The following TMC1 variants were observed in gnomAD, a reference collection of about 807,000 sequenced individuals.
TMC1 encodes transmembrane channel-like protein 1.
A neutral mutation model predicts 105.8 loss-of-function variants in TMC1; 84 were observed. That is an observed-to-expected ratio of 0.79 (90% confidence interval 0.67 to 0.95). The LOEUF (loss-of-function observed/expected upper bound fraction) is 0.95, where lower values mean the gene tolerates loss of function less well. TMC1 is among the 40% of genes least tolerant of loss of function. TMC1 has a pLI of 0.00. For missense variants in TMC1, 817 were observed against 914.1 expected (o/e 0.89, Z 1.37); for synonymous variants, 315 against 311.5 (o/e 1.01, Z -0.12).
At chr9:72,790,867 T>C (rs948869381) in intron 15 of TMC1, among the ~76,000 whole-genome samples, 8 of 152,192 alleles carry the variant, frequency 5.3e-5, no homozygotes, top group East Asian at 3.9e-4. Flanking sequence ...GTCATACTTA[T>C]ATAATGTTTT....
At chr9:72,781,152 A>C (rs1379904865) in intron 13 of TMC1, among the ~76,000 whole-genome samples, 3 of 152,212 alleles carry the variant, frequency 2.0e-5, no homozygotes, top group African/African-American at 7.2e-5. Context: ...ATAGAAATCA[A>C]TACCAAGAGG....
intron 17 of TMC1, among the ~76,000 whole-genome samples, chr9:72,792,727 A>G (rs1445960315): frequency 1.3e-5 from 2 of 152,150 alleles, no homozygotes; most frequent in Non-Finnish European, 2.9e-5. Flanking sequence ...ACAAAACAAA[A>G]CAAACAAACA....
intron 5 of TMC1, among the ~76,000 whole-genome samples, chr9:72,676,097 A>AGCAAGTTT (rs1482958028): frequency 2.0e-5 from 3 of 152,218 alleles, no homozygotes; most frequent in Admixed American, 1.3e-4. Context: ...AAGGCAGCAC[A>AGCAAGTTT]GCAAGTTTGA....
chr9:72,589,849 G>C (rs1308939940), intron 2 of TMC1, among the ~76,000 whole-genome samples: 1 of 152,196 alleles, frequency 6.6e-6, no homozygotes, highest in Non-Finnish European at 1.5e-5. Context: ...GAGAATCAGA[G>C]ACAAAGTGAC....
At chr9:72,766,330 T>C (rs946585965) in intron 12 of TMC1, among the ~76,000 whole-genome samples, 1 of 148,880 alleles carries the variant, frequency 6.7e-6, no homozygotes, top group Admixed American at 6.8e-5. Context: ...GTCAGAAGAA[T>C]GGCATGAACC....
In TMC1 at chr9:72,700,739, TATATACACACACACACACAC is replaced by T. The variant is rs1185409482; in HGVS notation, c.362+100_362+119del. On this transcript the variant is annotated intron_variant, in intron 8 of 23. Transcript: ENST00000297784. The stretch of plus-strand genomic sequence containing the variant: ...ATATATATATATATATATATATATA[TATATACACACACACACACAC>T]ATACACACACACACACACACATACA... 3 of 161,684 alleles carry T rather than the reference TATATACACACACACACACAC, an allele frequency of 1.9e-5. No homozygotes were observed. In the East Asian group the frequency reaches 9.0e-4, roughly 49 times the overall value. 10.0% of individuals were successfully genotyped at this position (161,684 alleles called of 1,614,324 possible).
chr9:72,555,621 A>G (rs1462471062), intron 1 of TMC1, among the ~76,000 whole-genome samples: 3 of 151,068 alleles, frequency 2.0e-5, no homozygotes, highest in Non-Finnish European at 4.4e-5. Flanking sequence ...TTGCCTCTGG[A>G]CTTAACTCTT....
chr9:72,661,503 A>C (rs1490095628), intron 5 of TMC1, among the ~76,000 whole-genome samples: 1 of 152,156 alleles, frequency 6.6e-6, no homozygotes, highest in Non-Finnish European at 1.5e-5. Flanking sequence ...CTCATTCTTC[A>C]AGCCTCACTT....
intron 2 of TMC1, among the ~76,000 whole-genome samples, chr9:72,585,190 G>A (rs1324579692): frequency 2.9e-4 from 42 of 145,008 alleles, no homozygotes; most frequent in African/African-American, 9.8e-4. Flanking sequence ...TTGCTCTGTC[G>A]CCCAGGCTGG....
rs140516498 is a variant in TMC1 at position 72,542,924 on chromosome 9, C to T, written c.-428+21011C>T. Among the ~76,000 whole-genome samples, 308 of 152,228 alleles carry T rather than the reference C, an allele frequency of 2.0e-3. 5 individuals carry two copies. Among genetic ancestry groups the T allele is most frequent in the African/African-American group, 7.1e-3 (297 of 41,552 alleles). ...TCGAACTCCTGACCTCATGATCCAC[C>T]CACCTTGGCCTCCCAAAGTGCTGGG... is the stretch of plus-strand genomic sequence containing the variant. On this transcript the variant is annotated intron_variant, in intron 1 of 23. Transcript: ENST00000297784.
chr9:72,694,789 T>C, intron 7 of TMC1, 75 bp downstream of exon 7: 1 of 1,458,978 alleles, frequency 6.9e-7, no homozygotes, highest in Non-Finnish European at 9.4e-7. Context: ...TCTTTGACCT[T>C]AAAATTGGTA....
intron 8 of TMC1, among the ~76,000 whole-genome samples, chr9:72,729,911 A>G (rs1289700845): frequency 1.3e-5 from 2 of 152,240 alleles, no homozygotes; most frequent in South Asian, 4.1e-4. Context: ...GTGTTATTAG[A>G]CAAACAGGGA....
intron 13 of TMC1, among the ~76,000 whole-genome samples, chr9:72,781,132 T>A (rs945123968): frequency 6.6e-6 from 1 of 152,110 alleles, no homozygotes; most frequent in Non-Finnish European, 1.5e-5. Flanking sequence ...TGGATCACAG[T>A]GCAATAAAAA....
At chr9:72,786,359 G>A (rs1292745913) in intron 13 of TMC1, among the ~76,000 whole-genome samples, 2 of 152,146 alleles carry the variant, frequency 1.3e-5, no homozygotes, top group African/African-American at 4.8e-5. Flanking sequence ...CAGGAGAATG[G>A]CGTGATCCCG....
At chr9:72,631,049 G>A (rs1017548460) in intron 4 of TMC1, among the ~76,000 whole-genome samples, 3 of 151,998 alleles carry the variant, frequency 2.0e-5, no homozygotes, top group South Asian at 2.1e-4. Context: ...TGTATTTTTG[G>A]TAGAGACAGG....
intron 5 of TMC1, among the ~76,000 whole-genome samples, chr9:72,673,728 T>C (rs1826160035): frequency 6.6e-6 from 1 of 152,198 alleles, no homozygotes; most frequent in Non-Finnish European, 1.5e-5. Flanking sequence ...CAGGAAGAAA[T>C]TGATAATCTT....
intron 5 of TMC1, among the ~76,000 whole-genome samples, chr9:72,688,140 A>G (rs1433398416): frequency 6.6e-6 from 1 of 152,158 alleles, no homozygotes; most frequent in Non-Finnish European, 1.5e-5. Flanking sequence ...CATGTTGCCA[A>G]AGGGAATCAC....
At chr9:72,759,768 T>C (rs1827727021) in intron 12 of TMC1, among the ~76,000 whole-genome samples, 1 of 152,214 alleles carries the variant, frequency 6.6e-6, no homozygotes, top group African/African-American at 2.4e-5. Flanking sequence ...TCTTACCTTA[T>C]AAAGTTACAG....
At chr9:72,742,998 G>C (rs1827416522) in intron 10 of TMC1, among the ~76,000 whole-genome samples, 1 of 152,218 alleles carries the variant, frequency 6.6e-6, no homozygotes, top group South Asian at 2.1e-4. Context: ...CACTTTGGGA[G>C]GTTGAGGTGT....
Sources: allele counts gnomAD v4.1 joint callset (sites outside exome capture counted in the v4.1 genomes callset), GRCh38; gene constraint gnomAD v4.1.1; transcripts MANE v1.5; gene names NCBI Gene and HGNC (gene_info 2026-07-23, HGNC 2026-07-21).